The following DGKB variants were observed in gnomAD, a reference collection of about 807,000 sequenced individuals.
DGKB encodes the protein 90 kDa diacylglycerol kinase.
Under a neutral mutation model 114.3 loss-of-function variants are expected in DGKB, and 67 were observed. The observed-to-expected ratio is 0.59, with a 90% CI of 0.48 to 0.72. DGKB has a LOEUF of 0.72. Ranked by LOEUF, DGKB falls within the 30% of genes least tolerant of loss-of-function variation. The pLI, the probability that DGKB is intolerant of heterozygous loss-of-function variation, is 0.00. For synonymous variants in DGKB, 398 were observed against 323.1 expected (o/e 1.23, Z -2.49); for missense variants, 907 against 975.2 (o/e 0.93, Z 0.93).
chr7:14,755,773 T>C (rs1834782656), intron 3 of DGKB, among the ~76,000 whole-genome samples: 1 of 152,156 alleles, frequency 6.6e-6, no homozygotes, highest in South Asian at 2.1e-4. Context: ...TAAATGGTTA[T>C]ATAAGCCTTA....
chr7:14,613,568 T>C (rs946898963), intron 15 of DGKB, among the ~76,000 whole-genome samples, 155 bp from the exon 16 acceptor site: 11 of 129,072 alleles, frequency 8.5e-5, no homozygotes, highest in African/African-American at 2.6e-4. Flanking sequence ...AGTGTGTGCG[T>C]GTGTGTGCGT....
intron 1 of DGKB, among the ~76,000 whole-genome samples, chr7:14,852,498 C>CAAAAAAAAAAAAA (rs1849542818): frequency 5.9e-5 from 2 of 33,900 alleles, no homozygotes; most frequent in South Asian, 1.1e-3. Flanking sequence ...AAAAAAAAAA[C>CAAAAAAAAAAAAA]AGAAATCAAG....
intron 23 of DGKB, among the ~76,000 whole-genome samples, chr7:14,325,268 T>C (rs1808517652): frequency 6.6e-6 from 1 of 152,102 alleles, no homozygotes; most frequent in South Asian, 2.1e-4. Flanking sequence ...GTGGTCTCTG[T>C]TGCTAGATCA....
chr7:14,340,117 T>C (rs1487048342), intron 22 of DGKB, among the ~76,000 whole-genome samples: 1 of 151,148 alleles, frequency 6.6e-6, no homozygotes, highest in Non-Finnish European at 1.5e-5. Context: ...AAGTTTTCAT[T>C]TAATTTGTTT....
intron 16 of DGKB, among the ~76,000 whole-genome samples, chr7:14,609,048 C>A (rs1202510322): frequency 1.3e-5 from 2 of 151,958 alleles, no homozygotes; most frequent in African/African-American, 4.8e-5. Context: ...TCTTCAAAGA[C>A]TTAGAAGAAA....
intron 20 of DGKB, among the ~76,000 whole-genome samples, chr7:14,571,095 G>A (rs1441894625): frequency 6.6e-6 from 1 of 152,158 alleles, no homozygotes; most frequent in Non-Finnish European, 1.5e-5. Flanking sequence ...TGTCTTCCAG[G>A]AAGAGGCAAA....
At position 14,853,867 on chromosome 7, in the gene DGKB, C is replaced by CA. The variant is rs56269565; in HGVS notation, c.-187-12418dup. Among the ~76,000 whole-genome samples, 695 of 103,922 alleles carry CA rather than the reference C, an allele frequency of 6.7e-3. 13 individuals are homozygous for CA. Among genetic ancestry groups the CA allele is most frequent in the South Asian group, 0.016 (43 of 2,748 alleles). 68.2% of individuals were successfully genotyped at this position (103,922 alleles called of 152,430 possible). A position where few individuals can be genotyped will look rare whatever the true frequency, so the allele number is the denominator to read the frequency against. The stretch of plus-strand genomic sequence containing the variant: ...TGGGCGACAGACCGAGACTCCGTCT[C>CA]AAAAAAAAAAAAAAAAAAAAAAAAA... On this transcript the variant is annotated intron_variant, in intron 1 of 25. Coordinates refer to ENST00000402815, the MANE Select transcript of DGKB (RefSeq NM_001350709.2).
At chr7:14,623,799 CATAG>C (rs761988601) in intron 14 of DGKB, among the ~76,000 whole-genome samples, 4 of 152,044 alleles carry the variant, frequency 2.6e-5, no homozygotes, top group Non-Finnish European at 4.4e-5. Context: ...TAATTTTATT[CATAG>C]ATAGTTAAAT....
chr7:14,675,544 G>A (rs549117332), intron 12 of DGKB, among the ~76,000 whole-genome samples: 19 of 151,956 alleles, frequency 1.3e-4, no homozygotes, highest in African/African-American at 4.6e-4. Flanking sequence ...ATTGGGATTT[G>A]GGAGTTTCAG....
chr7:14,536,930 A>G (rs1254399362), intron 20 of DGKB, among the ~76,000 whole-genome samples: 2 of 152,104 alleles, frequency 1.3e-5, no homozygotes, highest in East Asian at 3.9e-4. Context: ...AACTGTAAAA[A>G]CCTCAAAACT....
chr7:14,763,491 A>G (rs896220205), intron 2 of DGKB, among the ~76,000 whole-genome samples: 1 of 152,150 alleles, frequency 6.6e-6, no homozygotes, highest in Non-Finnish European at 1.5e-5. Context: ...GGAAATTATT[A>G]CCTACTTAGG....
At chr7:14,486,070 A>T (rs1783761678) in intron 20 of DGKB, among the ~76,000 whole-genome samples, 1 of 152,016 alleles carries the variant, frequency 6.6e-6, no homozygotes. Context: ...CTTTTTTTTA[A>T]AAAATAATTA....
At chr7:14,811,767 A>G (rs1282503425) in intron 2 of DGKB, among the ~76,000 whole-genome samples, 2 of 151,986 alleles carry the variant, frequency 1.3e-5, no homozygotes, top group Non-Finnish European at 2.9e-5. Flanking sequence ...GTAAGTAAAT[A>G]TATATATGTA....
chr7:14,360,368 C>T (rs927662841), intron 21 of DGKB, among the ~76,000 whole-genome samples: 3 of 151,786 alleles, frequency 2.0e-5, no homozygotes, highest in Middle Eastern at 3.4e-3. Context: ...ATGTAAGTGA[C>T]GAGTTAATGG....
chr7:14,380,058 G>T (rs1338949046), intron 21 of DGKB, among the ~76,000 whole-genome samples: 2 of 152,100 alleles, frequency 1.3e-5, no homozygotes, highest in Non-Finnish European at 2.9e-5. Flanking sequence ...ACTAATAAGT[G>T]CTTGGCAATT....
chr7:14,528,331 G>C (rs1790982310), intron 20 of DGKB, among the ~76,000 whole-genome samples: 1 of 152,032 alleles, frequency 6.6e-6, no homozygotes, highest in African/African-American at 2.4e-5. Context: ...TAAACACAGA[G>C]ACGAAATCAC....
At chr7:14,748,667 T>C (rs923112470) in intron 4 of DGKB, among the ~76,000 whole-genome samples, 28 of 152,196 alleles carry the variant, frequency 1.8e-4, no homozygotes, top group African/African-American at 6.5e-4. Context: ...AAGAGAGTTA[T>C]AGCTTTAATG....
chr7:14,507,567 T>C (rs969547407), intron 20 of DGKB, among the ~76,000 whole-genome samples: 1 of 152,204 alleles, frequency 6.6e-6, no homozygotes, highest in Non-Finnish European at 1.5e-5. Flanking sequence ...AGTGTTCTCA[T>C]TTTTTACTGC....
chr7:14,368,593 G>GTGTT (rs1817099920), intron 21 of DGKB, among the ~76,000 whole-genome samples: 1 of 151,722 alleles, frequency 6.6e-6, no homozygotes, highest in Admixed American at 6.6e-5. Flanking sequence ...GTGTGTGTGT[G>GTGTT]TGTGTATGAA....
Sources: allele counts gnomAD v4.1 joint callset (sites outside exome capture counted in the v4.1 genomes callset), GRCh38; gene constraint gnomAD v4.1.1; transcripts MANE v1.5; gene names NCBI Gene and HGNC (gene_info 2026-07-23, HGNC 2026-07-21).